KCNJ1: variants seen among roughly 807,000 people sequenced by gnomAD.
The protein encoded by KCNJ1 is potassium inwardly rectifying channel subfamily J member 1.
KCNJ1 carries 24 observed loss-of-function variants against 21.9 expected under a neutral mutation model. That is an observed-to-expected ratio of 1.10 (90% CI 0.79 to 1.54). The LOEUF is 1.54. Among genes scored for constraint, KCNJ1 ranks in the 40% most tolerant of loss-of-function variants. KCNJ1 has a pLI of 0.00. For synonymous variants in KCNJ1, 152 were observed against 160.9 expected (o/e 0.94, Z 0.42); for missense variants, 457 against 455.4 (o/e 1.00, Z -0.03).
chr11:128,859,710 T>G (rs1005632388), intron 1 of KCNJ1, among the ~76,000 whole-genome samples: 2 of 152,188 alleles, frequency 1.3e-5, no homozygotes, highest in Non-Finnish European at 2.9e-5. Flanking sequence ...TGCCCTCTCC[T>G]GGCTAGCCCT....
rs1222471107 is a variant in KCNJ1, at chr11:128,838,422, A to C, written c.*703T>G. On this transcript the variant is annotated 3_prime_UTR_variant, in exon 3 of 3. Coordinates refer to ENST00000392666, the MANE Select transcript of KCNJ1 (RefSeq NM_153766.3). ...CTCCTCATTGCTGTCTTCGAAGAGC[A>C]GGAAATGCTCTTTATAAACAGATTT... 6.6e-6 allele frequency: 1 copy of C among 152,330 alleles called. No individual in the cohort carries two copies. The highest frequency in any genetic ancestry group is 1.5e-5 in the Non-Finnish European group (1 of 68,098). 9.4% of individuals were successfully genotyped at this position (152,330 alleles called of 1,614,324 possible).
At chr11:128,848,282 C>A (rs1231249) in intron 2 of KCNJ1, among the ~76,000 whole-genome samples, 1 of 131,206 alleles carries the variant, frequency 7.6e-6, no homozygotes, top group Non-Finnish European at 1.6e-5. Context: ...AGCAAGACTC[C>A]GTCTCAAAAA....
chr11:128,844,108 T>C (rs887667286), intron 2 of KCNJ1, among the ~76,000 whole-genome samples: 9 of 152,186 alleles, frequency 5.9e-5, no homozygotes, highest in African/African-American at 2.2e-4. Context: ...AATGAGAATA[T>C]AAAATCAATG....
chr11:128,857,457 A>C (rs1467272610), intron 1 of KCNJ1, among the ~76,000 whole-genome samples: 1 of 152,158 alleles, frequency 6.6e-6, no homozygotes, highest in African/African-American at 2.4e-5. Flanking sequence ...ATGTGGACCC[A>C]CAGTAGAGAC....
chr11:128,846,506 G>C (rs904360205), intron 2 of KCNJ1, among the ~76,000 whole-genome samples: 1 of 152,164 alleles, frequency 6.6e-6, no homozygotes, highest in Admixed American at 6.5e-5. Flanking sequence ...TTCCGTGAGA[G>C]TGATGAAGGT....
chr11:128,839,176 G>A lies in KCNJ1; in HGVS notation c.1068C>T (p.Asn356=). ...TGACTTCTGACAAGATGAAGTTGGGGTTGTCATAGCCTCTCTTCATCCTGG... is the reference window on the plus strand; with the variant it reads ...TGACTTCTGACAAGATGAAGTTGGGATTGTCATAGCCTCTCTTCATCCTGG... The part of the protein sequence containing the change: ...VRARMKRGYD[N]PNFILSEVNE... The change falls in exon 3 of 3, where the codon AAC becomes AAT. Residue 356 remains asparagine (N), a synonymous_variant. Coordinates refer to ENST00000392666, the MANE Select transcript of KCNJ1 (RefSeq NM_153766.3). 1.2e-6 allele frequency: 2 copies of A among 1,614,142 alleles called. No homozygotes were observed. Among genetic ancestry groups the A allele is most frequent in the Non-Finnish European group, 1.7e-6 (2 of 1,180,012 alleles).
At chr11:128,846,442 C>T (rs1275344673) in intron 2 of KCNJ1, among the ~76,000 whole-genome samples, 1 of 152,108 alleles carries the variant, frequency 6.6e-6, no homozygotes, top group Non-Finnish European at 1.5e-5. Context: ...TCGGGGTCTA[C>T]CTCCTGGAGC....
intron 2 of KCNJ1, chr11:128,842,592 G>T (rs535005102): frequency 1.4e-6 from 2 of 1,413,868 alleles, no homozygotes; most frequent in Non-Finnish European, 1.9e-6. Flanking sequence ...AAGGCAATTG[G>T]TTGTTCTCAG....
At chr11:128,859,937 C>A (rs148662899) in intron 1 of KCNJ1, among the ~76,000 whole-genome samples, 1 of 152,370 alleles carries the variant, frequency 6.6e-6, no homozygotes, top group Middle Eastern at 3.4e-3. Context: ...GTGCTGCAGA[C>A]GGCGGGCAGC....
chr11:128,853,674 G>A (rs533283409), intron 1 of KCNJ1, among the ~76,000 whole-genome samples: 2 of 152,298 alleles, frequency 1.3e-5, no homozygotes, highest in South Asian at 4.1e-4. Flanking sequence ...TTGCAATAAA[G>A]CTGGGATAGA....
chr11:128,850,019 A>G (rs1377466871), intron 2 of KCNJ1, among the ~76,000 whole-genome samples: 27 of 152,154 alleles, frequency 1.8e-4, no homozygotes, highest in Admixed American at 1.8e-3. Context: ...TACTGAGGTC[A>G]TGTCCAGGAA....
At chr11:128,850,203 C>A (rs938290477) in intron 2 of KCNJ1, among the ~76,000 whole-genome samples, 1 of 152,128 alleles carries the variant, frequency 6.6e-6, no homozygotes, top group Admixed American at 6.5e-5. Context: ...CCCTTGCCAA[C>A]TTCTTGACCT....
At chr11:128,859,667 G>C (rs1041302443) in intron 1 of KCNJ1, among the ~76,000 whole-genome samples, 12 of 152,166 alleles carry the variant, frequency 7.9e-5, no homozygotes, top group Non-Finnish European at 1.6e-4. Flanking sequence ...TGGGGGAAAG[G>C]CTGGCCCTCC....
At chr11:128,856,688 C>A (rs1270400595) in intron 1 of KCNJ1, among the ~76,000 whole-genome samples, 1 of 152,226 alleles carries the variant, frequency 6.6e-6, no homozygotes, top group Admixed American at 6.5e-5. Context: ...ACACCCACCC[C>A]CGAGTCAAGC....
Position 128,839,843 on chromosome 11 carries a change from C to G in KCNJ1, c.401G>C (p.Cys134Ser). The change falls in exon 3 of 3, where the codon TGT becomes TCT. Residue 134 changes from cysteine (C) to serine (S), a missense_variant. Physicochemically the swap from Cys to Ser is moderately radical, Grantham distance 112 (BLOSUM62 -1). Transcript: ENST00000392666. ...GATAAGCAGAAAAATGGCAGTGGCA[C>G]ACTGTTCTGTCACACACCTGAATCC... ...GYGFRCVTEQ[C>S]ATAIFLLIFQ... is the part of the protein sequence containing the mutation. The G allele has an allele frequency of 6.2e-7, 1 of 1,614,152 alleles. No homozygotes were observed. Among genetic ancestry groups the G allele is most frequent in the Non-Finnish European group, 8.5e-7 (1 of 1,179,998 alleles).
intron 1 of KCNJ1, among the ~76,000 whole-genome samples, chr11:128,859,497 C>T (rs1336780496): frequency 2.0e-5 from 3 of 152,348 alleles, no homozygotes. Flanking sequence ...AATTCTCCTG[C>T]CTCAGCCTCC....
intron 1 of KCNJ1, among the ~76,000 whole-genome samples, chr11:128,858,801 TAGA>T (rs1421588369): frequency 6.6e-6 from 1 of 152,198 alleles, no homozygotes; most frequent in Admixed American, 6.5e-5. Context: ...TTCACAGAGC[TAGA>T]AGGTTAGAAT....
intron 1 of KCNJ1, among the ~76,000 whole-genome samples, chr11:128,851,873 G>A (rs1296144457): frequency 6.6e-6 from 1 of 152,204 alleles, no homozygotes; most frequent in African/African-American, 2.4e-5. Flanking sequence ...AAGAAGGCTG[G>A]TGTAGCCCAG....
intron 1 of KCNJ1, among the ~76,000 whole-genome samples, chr11:128,854,435 GC>G (rs1943544816): frequency 6.6e-6 from 1 of 152,030 alleles, no homozygotes; most frequent in African/African-American, 2.4e-5. Context: ...AGGCCCACGG[GC>G]CCATTCAAAA....
Sources: gnomAD v4.1 joint callset for allele counts (sites outside exome capture counted in the v4.1 genomes callset) on GRCh38, gnomAD v4.1.1 for gene constraint, MANE v1.5 for transcripts, NCBI Gene and HGNC (gene_info 2026-07-23, HGNC 2026-07-21) for gene names.